Variants in SCN2A observed in about 807,000 individuals in gnomAD.
SCN2A encodes sodium channel protein type 2 subunit alpha.
In SCN2A, 20 loss-of-function variants were observed where a neutral mutation model predicts 188.7. The ratio of observed to expected loss-of-function variants is 0.11; its 90% CI spans 0.07 to 0.15. The LOEUF (loss-of-function observed/expected upper bound fraction) is 0.15. SCN2A is among the 10% of genes least tolerant of loss of function. The pLI, the probability that SCN2A is intolerant of heterozygous loss-of-function variation, is 1.00. For synonymous variants in SCN2A, 804 were observed against 833.1 expected, an observed-to-expected ratio of 0.97 and a Z score of 0.60; for missense variants, 1,278 against 2,445.0, an observed-to-expected ratio of 0.52 and a Z score of 10.07.
At chr2:165,264,190 G>C (rs1694736973) in intron 1 of SCN2A, among the ~76,000 whole-genome samples, 1 of 152,034 alleles carries the variant, frequency 6.6e-6, no homozygotes. Flanking sequence ...TTGAATAGAA[G>C]TGGTGAAAGT....
In SCN2A at chr2:165,313,586, T is replaced by C. The variant is rs754954609; in HGVS notation, c.1035-34T>C. 2.5e-6 allele frequency: 4 copies of C among 1,612,376 alleles called. No homozygotes were observed. In the South Asian group the frequency reaches 4.4e-5, roughly 18 times the overall value. On this transcript the variant is annotated intron_variant, in intron 8 of 26. Coordinates refer to ENST00000375437, the MANE Select transcript of SCN2A (RefSeq NM_001040142.2). ...AAACCAATTAGCAGACTTGCCGTTA[T>C]TGACTTCCTTTCTTTCCTCTAACCT...
In SCN2A at chr2:165,291,491, T is replaced by TTTCTTTC. The variant is rs1389976633; in HGVS notation, c.-51-4280_-51-4279insCTTTCTT. 5.9e-4 allele frequency among the ~76,000 whole-genome samples: 23 copies of TTTCTTTC among 38,850 alleles called. 2 individuals carry two copies. Among genetic ancestry groups the TTTCTTTC allele is most frequent in the African/African-American group, 1.2e-3 (13 of 11,018 alleles). 25.5% of individuals were successfully genotyped at this position (38,850 alleles called of 152,430 possible). ...CTTTCTTTCTTTCTTTCTTTCTTTC[T>TTTCTTTC]TTTCTTTCTTTCTTTCTTTCTTCCT... On this transcript the variant is annotated intron_variant, in intron 1 of 26. Coordinates refer to ENST00000375437, the MANE Select transcript of SCN2A (RefSeq NM_001040142.2).
intron 3 of SCN2A, among the ~76,000 whole-genome samples, chr2:165,302,887 T>C (rs2105228767): frequency 6.6e-6 from 1 of 152,318 alleles, no homozygotes; most frequent in South Asian, 2.1e-4. Flanking sequence ...AAAGGAAATA[T>C]TTTACATTTG....
intron 1 of SCN2A, among the ~76,000 whole-genome samples, chr2:165,288,383 A>G (rs1457841442): frequency 7.0e-6 from 1 of 143,428 alleles, no homozygotes; most frequent in African/African-American, 2.5e-5. Flanking sequence ...TTTTCACCTG[A>G]TGTTTCTTGA....
At chr2:165,295,651 C>G in intron 1 of SCN2A, 122 bp from the exon 2 acceptor site, 1 of 904,304 alleles carries the variant, frequency 1.1e-6, no homozygotes, top group Non-Finnish European at 1.7e-6. Flanking sequence ...ATACAGCTTT[C>G]TTTGAAAATA....
At chr2:165,345,466 G>A (rs934397427) in intron 16 of SCN2A, among the ~76,000 whole-genome samples, 1 of 151,798 alleles carries the variant, frequency 6.6e-6, no homozygotes, top group Non-Finnish European at 1.5e-5. Flanking sequence ...TTACCATTAT[G>A]TAGTGTCTTT....
chr2:165,333,787 T>C (rs1173510452), intron 14 of SCN2A, among the ~76,000 whole-genome samples: 1 of 150,992 alleles, frequency 6.6e-6, no homozygotes, highest in Non-Finnish European at 1.5e-5. Flanking sequence ...AGACAAATAT[T>C]AAAGAAGAGA....
At chr2:165,291,035 C>CTTTTTTTTTTTTTTTTT (rs55979694) in intron 1 of SCN2A, among the ~76,000 whole-genome samples, 4 of 79,946 alleles carry the variant, frequency 5.0e-5, no homozygotes, top group East Asian at 4.5e-4. Context: ...TCTTTTCTTT[C>CTTTTTTTTTTTTTTTTT]TTTTTTTTTT....
rs148531314 is a variant in SCN2A, at chr2:165,385,885, A to G, written c.4552-861A>G. 1.5e-3 allele frequency among the ~76,000 whole-genome samples: 226 copies of G among 152,312 alleles called. 5 individuals carry two copies. The East Asian group carries it at 0.042, about 28-fold the overall frequency. ...AGTAAAATTAATACCCTCCCAACAC[A>G]TGGGATAAAAAATTTTATTACATGA... On this transcript the variant is annotated intron_variant, in intron 25 of 26. Coordinates refer to ENST00000375437, the MANE Select transcript of SCN2A (RefSeq NM_001040142.2).
chr2:165,303,401 G>C (rs931416887), intron 3 of SCN2A, among the ~76,000 whole-genome samples: 3 of 150,844 alleles, frequency 2.0e-5, no homozygotes, highest in Non-Finnish European at 4.4e-5. Flanking sequence ...TCAGCCTCCG[G>C]AGTAGCTGGG....
intron 16 of SCN2A, among the ~76,000 whole-genome samples, chr2:165,351,274 C>A (rs991631946): frequency 6.6e-6 from 1 of 151,958 alleles, no homozygotes; most frequent in Non-Finnish European, 1.5e-5. Context: ...TGTGTCACCA[C>A]GGGTAGATTG....
intron 1 of SCN2A, among the ~76,000 whole-genome samples, chr2:165,284,629 A>C (rs896892177): frequency 2.0e-5 from 3 of 152,188 alleles, no homozygotes; most frequent in Non-Finnish European, 4.4e-5. Context: ...AATTTTAGGT[A>C]GAAGTCTTTG....
chr2:165,296,645 C>A (rs183790881), intron 2 of SCN2A: 1 of 184,352 alleles, frequency 5.4e-6, no homozygotes, highest in South Asian at 1.1e-4. Flanking sequence ...AAAGAACACA[C>A]CTGGAAAACC....
At chr2:165,361,543 C>T (rs1428344522) in intron 17 of SCN2A, among the ~76,000 whole-genome samples, 1 of 151,986 alleles carries the variant, frequency 6.6e-6, no homozygotes, top group Admixed American at 6.6e-5. Context: ...ACTCACATTT[C>T]CTTCTCTAAA....
intron 1 of SCN2A, among the ~76,000 whole-genome samples, chr2:165,292,834 AT>A (rs1696291794): frequency 1.3e-5 from 2 of 152,172 alleles, no homozygotes; most frequent in Admixed American, 1.3e-4. Flanking sequence ...AATAAGGATA[AT>A]GAAAGCACTT....
intron 8 of SCN2A, among the ~76,000 whole-genome samples, chr2:165,313,400 C>A (rs550094584): frequency 6.6e-6 from 1 of 152,026 alleles, no homozygotes; most frequent in Non-Finnish European, 1.5e-5. Context: ...ATAATAATGA[C>A]AATTATGAAT....
chr2:165,331,748 G>C (rs936887477), intron 14 of SCN2A, among the ~76,000 whole-genome samples, 180 bp downstream of exon 14: 1 of 152,076 alleles, frequency 6.6e-6, no homozygotes, highest in African/African-American at 2.4e-5. Context: ...AAGAGTCAAA[G>C]AATTTATGTA....
intron 3 of SCN2A, 66 bp from the exon 4 acceptor site, chr2:165,307,782 A>C: frequency 3.0e-6 from 3 of 992,952 alleles, no homozygotes; most frequent in Non-Finnish European, 4.9e-6. Context: ...CATGGTGGTG[A>C]AGGCATGGTA....
intron 1 of SCN2A, among the ~76,000 whole-genome samples, chr2:165,264,626 ACCCTCTGAT>A (rs1219205446): frequency 6.6e-6 from 1 of 151,776 alleles, no homozygotes; most frequent in Non-Finnish European, 1.5e-5. Flanking sequence ...CTTGTCACAC[ACCCTCTGAT>A]AGGCCCCAGT....
Sources: allele counts gnomAD v4.1 joint callset (sites outside exome capture counted in the v4.1 genomes callset), GRCh38; gene constraint gnomAD v4.1.1; transcripts MANE v1.5; gene names NCBI Gene and HGNC (gene_info 2026-07-23, HGNC 2026-07-21).